Variants in RNLS observed in about 807,000 individuals in gnomAD.
RNLS encodes renalase, FAD dependent amine oxidase, also known as renalase.
A neutral mutation model predicts 39.8 loss-of-function variants in RNLS; 39 were observed. The ratio of observed to expected loss-of-function variants is 0.98; its 90% CI spans 0.76 to 1.28. The LOEUF is 1.28. Ranked by LOEUF, RNLS falls within the 50% of genes most tolerant of loss-of-function variation. RNLS has a pLI of 0.00. For missense variants in RNLS, 410 were observed against 413.3 expected, an observed-to-expected ratio of 0.99 and a Z score of 0.07; for synonymous variants, 147 against 150.7, an observed-to-expected ratio of 0.98 and a Z score of 0.18.
chr10:88,235,866 C>T, the RNLS span, among the ~76,000 whole-genome samples: 1 of 150,738 alleles, frequency 6.6e-6, no homozygotes, highest in East Asian at 2.0e-4. Context: ...GGGTCTTGTT[C>T]TGTTGCCTAG....
the RNLS span, among the ~76,000 whole-genome samples, chr10:88,263,165 G>T: frequency 6.6e-6 from 1 of 152,022 alleles, no homozygotes; most frequent in Non-Finnish European, 1.5e-5. Flanking sequence ...TGAAAGAGAG[G>T]TAAACCCAAT....
At chr10:88,465,198 C>T (rs1030792764) in intron 4 of RNLS, among the ~76,000 whole-genome samples, 3 of 151,920 alleles carry the variant, frequency 2.0e-5, no homozygotes, top group South Asian at 2.1e-4. Flanking sequence ...AAAACAAGAC[C>T]GTTTTTCCAA....
intron 5 of RNLS, among the ~76,000 whole-genome samples, chr10:88,350,361 C>A (rs914943986): frequency 6.6e-5 from 10 of 152,034 alleles, no homozygotes; most frequent in Non-Finnish European, 1.0e-4. Flanking sequence ...CGGTATATCT[C>A]CTAATGCTAT....
the RNLS span, among the ~76,000 whole-genome samples, chr10:88,221,817 T>G: frequency 6.7e-6 from 1 of 150,208 alleles, no homozygotes; most frequent in African/African-American, 2.4e-5. Flanking sequence ...ATTGTGGCAC[T>G]TTTTTTTTTC....
intron 5 of RNLS, among the ~76,000 whole-genome samples, chr10:88,334,502 T>C (rs1474007670): frequency 6.6e-6 from 1 of 152,184 alleles, no homozygotes; most frequent in African/African-American, 2.4e-5. Flanking sequence ...CAAGCCTGAC[T>C]CACTTCATTT....
intron 4 of RNLS, among the ~76,000 whole-genome samples, chr10:88,570,839 GT>G (rs1420677770): frequency 6.6e-6 from 1 of 152,102 alleles, no homozygotes; most frequent in Non-Finnish European, 1.5e-5. Context: ...AAGTTTCAAG[GT>G]TTCAATTATG....
intron 4 of RNLS, among the ~76,000 whole-genome samples, chr10:88,392,252 T>C (rs925129591): frequency 2.0e-5 from 3 of 152,184 alleles, no homozygotes; most frequent in African/African-American, 4.8e-5. Context: ...GAAAGATACG[T>C]CCACAGGATG....
rs187042936 is a variant in RNLS at position 88,345,090 on chromosome 10, G to A, written c.700+17462C>T. Among the ~76,000 whole-genome samples the A allele has an allele frequency of 4.6e-5, 7 of 152,186 alleles. No homozygotes were observed. In the East Asian group the frequency reaches 1.2e-3, roughly 25 times the overall value. ...TCACTTAATAACAAGAAATTTACTG[G>A]TAATAAACCAAAGGACTCTTTAGGC... On this transcript the variant is annotated intron_variant, in intron 5 of 6. Coordinates refer to ENST00000331772, the MANE Select transcript of RNLS (RefSeq NM_001031709.3).
intron 4 of RNLS, among the ~76,000 whole-genome samples, chr10:88,426,419 A>G (rs958191467): frequency 4.6e-5 from 7 of 152,074 alleles, no homozygotes; most frequent in Non-Finnish European, 1.0e-4. Context: ...AGTTATATAT[A>G]GAAAACATTC....
the RNLS span, among the ~76,000 whole-genome samples, chr10:88,203,364 G>GTGTGTATATATATATATATACACGTA: frequency 3.0e-4 from 4 of 13,386 alleles, 2 homozygotes; most frequent in African/African-American, 2.1e-3. Flanking sequence ...ATACGTATGT[G>GTGTGTATATATATATATATACACGTA]TGTGTATATA....
chr10:88,495,090 C>G (rs1190446174), intron 4 of RNLS, among the ~76,000 whole-genome samples: 1 of 152,060 alleles, frequency 6.6e-6, no homozygotes, highest in Non-Finnish European at 1.5e-5. Flanking sequence ...GATATAATTC[C>G]TAGTGATGAC....
chr10:88,438,879 C>T (rs768785635), intron 4 of RNLS, among the ~76,000 whole-genome samples: 3 of 148,616 alleles, frequency 2.0e-5, no homozygotes, highest in Admixed American at 6.7e-5. Flanking sequence ...TCCATATTAT[C>T]ATAATAAATT....
At chr10:88,309,494 C>T (rs954255718) in intron 6 of RNLS, 4 of 1,282,056 alleles carry the variant, frequency 3.1e-6, no homozygotes, top group Admixed American at 2.3e-5. Flanking sequence ...AAAAATTCTG[C>T]CCTTCAGCCA....
the RNLS span, among the ~76,000 whole-genome samples, chr10:88,263,827 TTTTAA>T: frequency 6.6e-6 from 1 of 152,146 alleles, no homozygotes; most frequent in East Asian, 1.9e-4. Context: ...CTTCTTCTTC[TTTTAA>T]TTTAAATAGG....
At chr10:88,509,438 A>AAG (rs993545564) in intron 4 of RNLS, among the ~76,000 whole-genome samples, 6 of 113,894 alleles carry the variant, frequency 5.3e-5, no homozygotes, top group Non-Finnish European at 8.0e-5. Context: ...GAAAGGAAAT[A>AAG]AGAGAGAGAG....
At chr10:88,500,880 A>G (rs1277264798) in intron 4 of RNLS, among the ~76,000 whole-genome samples, 2 of 152,254 alleles carry the variant, frequency 1.3e-5, no homozygotes, top group Admixed American at 6.6e-5. Flanking sequence ...TAGCAATTGC[A>G]TAAATTGGAT....
intron 4 of RNLS, among the ~76,000 whole-genome samples, chr10:88,372,440 A>C (rs1316077844): frequency 1.3e-5 from 2 of 152,104 alleles, no homozygotes; most frequent in Non-Finnish European, 2.9e-5. Context: ...TTTTTCATAA[A>C]ATCTTATGAC....
In RNLS at chr10:88,302,354, T is replaced by C. The variant is rs117940422; in HGVS notation, c.876+12112A>G. On this transcript the variant is annotated intron_variant, in intron 6 of 6. Coordinates refer to ENST00000331772, the MANE Select transcript of RNLS (RefSeq NM_001031709.3). ...AAAACACCTAATGTACTCTAACTGA[T>C]AAACACAATTGATTGTTGTCTTTCA... is the stretch of plus-strand genomic sequence containing the variant. 4.8e-3 allele frequency among the ~76,000 whole-genome samples: 735 copies of C among 152,372 alleles called. 7 individuals are homozygous for C. Among genetic ancestry groups the C allele is most frequent in the Non-Finnish European group, 8.6e-3 (582 of 68,040 alleles).
chr10:88,327,627 A>G (rs10887803), intron 5 of RNLS, among the ~76,000 whole-genome samples: 67,363 of 151,618 alleles, frequency 0.44, 15,470 homozygotes, highest in South Asian at 0.58. Context: ...GAGTGAAAAT[A>G]GACTAAGGCA....
Sources: allele counts gnomAD v4.1 joint callset (sites outside exome capture counted in the v4.1 genomes callset), GRCh38; gene constraint gnomAD v4.1.1; transcripts MANE v1.5; gene names NCBI Gene and HGNC (gene_info 2026-07-23, HGNC 2026-07-21).